PABPC4L: variants seen among roughly 807,000 people sequenced by gnomAD.
PABPC4L encodes the protein polyadenylate-binding protein 4-like.
For synonymous variants in PABPC4L, 169 were observed against 164.1 expected (o/e 1.03, Z -0.23); for missense variants, 452 against 451.4 (o/e 1.00, Z -0.01).
the PABPC4L span, among the ~76,000 whole-genome samples, chr4:134,066,560 A>G: frequency 6.6e-6 from 1 of 152,098 alleles, no homozygotes; most frequent in Non-Finnish European, 1.5e-5. Context: ...TTCTCTGGCT[A>G]GGACTTCCAG....
chr4:134,054,093 A>G, the PABPC4L span, among the ~76,000 whole-genome samples: 1 of 151,690 alleles, frequency 6.6e-6, no homozygotes, highest in South Asian at 2.1e-4. Flanking sequence ...ATACTAGACA[A>G]ATAATAAACT....
chr4:134,086,577 A>T, the PABPC4L span, among the ~76,000 whole-genome samples: 186 of 152,200 alleles, frequency 1.2e-3, no homozygotes, highest in African/African-American at 4.3e-3. Flanking sequence ...GGAACCCAAA[A>T]GATAAAAGTA....
At chr4:133,960,086 T>C in the PABPC4L span, among the ~76,000 whole-genome samples, 1 of 152,146 alleles carries the variant, frequency 6.6e-6, no homozygotes, top group Non-Finnish European at 1.5e-5. Flanking sequence ...ACATTGCAGC[T>C]CTGACTCAGA....
the PABPC4L span, among the ~76,000 whole-genome samples, chr4:134,085,617 T>C: frequency 6.6e-6 from 1 of 152,298 alleles, no homozygotes; most frequent in Non-Finnish European, 1.5e-5. Context: ...TTCATACTTC[T>C]AACACCATAT....
chr4:134,131,823 A>T, the PABPC4L span, among the ~76,000 whole-genome samples: 1 of 150,896 alleles, frequency 6.6e-6, no homozygotes, highest in Non-Finnish European at 1.5e-5. Context: ...CTTTACTGTA[A>T]GGTTATAGTC....
chr4:134,080,450 T>C, the PABPC4L span, among the ~76,000 whole-genome samples: 2 of 152,198 alleles, frequency 1.3e-5, no homozygotes, highest in African/African-American at 4.8e-5. Flanking sequence ...GAGTTGTGAT[T>C]GATGTTTCAT....
the PABPC4L span, among the ~76,000 whole-genome samples, chr4:134,088,100 T>TA: frequency 7.9e-5 from 12 of 152,034 alleles, no homozygotes; most frequent in Admixed American, 6.6e-4. Context: ...TTGCTCCTCT[T>TA]ACCTCACCGA....
chr4:134,066,380 T>C, the PABPC4L span, among the ~76,000 whole-genome samples: 3 of 152,090 alleles, frequency 2.0e-5, no homozygotes, highest in Non-Finnish European at 4.4e-5. Flanking sequence ...ACTGATTTTT[T>C]TAGATTGATT....
chr4:134,186,756 A>G, the PABPC4L span, among the ~76,000 whole-genome samples: 1 of 152,192 alleles, frequency 6.6e-6, no homozygotes, highest in Non-Finnish European at 1.5e-5. Context: ...TGAACAGGCA[A>G]CCTACAGAAT....
chr4:134,024,070 T>C, the PABPC4L span, among the ~76,000 whole-genome samples: 1 of 152,168 alleles, frequency 6.6e-6, no homozygotes, highest in Admixed American at 6.6e-5. Context: ...GCATACTACG[T>C]ACAGGCATGA....
At chr4:133,964,336 C>G in the PABPC4L span, among the ~76,000 whole-genome samples, 2 of 131,476 alleles carry the variant, frequency 1.5e-5, no homozygotes, top group Non-Finnish European at 3.0e-5. Flanking sequence ...TTAAAAATTA[C>G]CAAAAAAAAA....
At chr4:133,991,032 G>T in the PABPC4L span, among the ~76,000 whole-genome samples, 1 of 152,074 alleles carries the variant, frequency 6.6e-6, no homozygotes, top group Non-Finnish European at 1.5e-5. Context: ...ATCAGGTTTT[G>T]TTGATTGAAG....
the PABPC4L span, among the ~76,000 whole-genome samples, chr4:134,088,388 CT>C: frequency 1.3e-5 from 2 of 152,070 alleles, no homozygotes; most frequent in African/African-American, 4.8e-5. Flanking sequence ...TTGATACTTT[CT>C]AGTCAAGTTT....
the PABPC4L span, among the ~76,000 whole-genome samples, chr4:134,111,443 C>A: frequency 2.6e-5 from 4 of 151,704 alleles, no homozygotes; most frequent in Non-Finnish European, 5.9e-5. Flanking sequence ...TAGATACACA[C>A]ACACATGTGT....
the PABPC4L span, among the ~76,000 whole-genome samples, chr4:134,081,016 A>G: frequency 6.6e-6 from 1 of 152,182 alleles, no homozygotes; most frequent in Non-Finnish European, 1.5e-5. Context: ...TTTTATTTCT[A>G]TTATAGACAT....
the PABPC4L span, among the ~76,000 whole-genome samples, chr4:134,113,646 A>G: frequency 6.6e-6 from 1 of 151,910 alleles, no homozygotes; most frequent in East Asian, 1.9e-4. Flanking sequence ...TTGTACTGCC[A>G]TACCAGATAT....
chr4:134,107,487 C>CA, the PABPC4L span, among the ~76,000 whole-genome samples: 1 of 151,314 alleles, frequency 6.6e-6, no homozygotes, highest in African/African-American at 2.4e-5. Context: ...AGGTAAAAAC[C>CA]AATGTACTGT....
chr4:134,118,608 T>TA, the PABPC4L span, among the ~76,000 whole-genome samples: 56 of 149,670 alleles, frequency 3.7e-4, no homozygotes, highest in South Asian at 1.5e-3. Flanking sequence ...AACAAATAGG[T>TA]AAAAAAAAAA....
chr4:134,116,538 C>T, the PABPC4L span, among the ~76,000 whole-genome samples: 2 of 151,862 alleles, frequency 1.3e-5, no homozygotes, highest in East Asian at 3.9e-4. Flanking sequence ...AACCTAATGA[C>T]CAACTGAAAT....
Sources: gnomAD v4.1 joint callset for allele counts (sites outside exome capture counted in the v4.1 genomes callset) on GRCh38, gnomAD v4.1.1 for gene constraint, MANE v1.5 for transcripts, NCBI Gene and HGNC (gene_info 2026-07-23, HGNC 2026-07-21) for gene names.